Variants in ERC2 observed in about 807,000 individuals in gnomAD.
ERC2 encodes the protein ELKS/RAB6-interacting/CAST family member 2.
ERC2 carries 42 observed loss-of-function variants against 114.8 expected under a neutral mutation model. The observed-to-expected ratio is 0.37, with a 90% CI of 0.29 to 0.47. The LOEUF (loss-of-function observed/expected upper bound fraction) is 0.47. Among genes scored for constraint, ERC2 ranks in the 20% least tolerant of loss-of-function variants. The pLI, the probability that ERC2 is intolerant of heterozygous loss-of-function variation, is 0.99. For synonymous variants in ERC2, 454 were observed against 425.5 expected (o/e 1.07, Z -0.82); for missense variants, 939 against 1,150.7 (o/e 0.82, Z 2.66).
rs548027752 is a variant in ERC2 at position 56,300,021 on chromosome 3, T to A, written c.658-3586A>T. ...TGAATGGACACATTCCTTATTGCCCTGATCCTTTGTCCCCACATCTACGCA... is the reference window on the plus strand; with the variant it reads ...TGAATGGACACATTCCTTATTGCCCAGATCCTTTGTCCCCACATCTACGCA... On this transcript the variant is annotated intron_variant, in intron 2 of 17. Transcript: ENST00000288221. 3.3e-5 allele frequency among the ~76,000 whole-genome samples: 5 copies of A among 152,314 alleles called. 1 individual carries two copies. Among genetic ancestry groups the A allele is most frequent in the African/African-American group, 1.2e-4 (5 of 41,564 alleles).
chr3:55,687,085 C>T (rs2062372759), intron 16 of ERC2, among the ~76,000 whole-genome samples: 1 of 152,176 alleles, frequency 6.6e-6, no homozygotes, highest in Non-Finnish European at 1.5e-5. Context: ...GTCCCAGATG[C>T]TGCGCCCTAA....
chr3:56,025,435 C>A (rs1018617723), intron 7 of ERC2, among the ~76,000 whole-genome samples: 1 of 152,166 alleles, frequency 6.6e-6, no homozygotes, highest in Non-Finnish European at 1.5e-5. Context: ...ATCTGGGGTC[C>A]TCTTTCAAGC....
At position 56,033,013 on chromosome 3, in the gene ERC2, AAGAAAGAAAAAAGAAAC is replaced by A. The variant is rs2074539639; in HGVS notation, c.1642-13999_1642-13983del. Reference sequence around the variant, plus strand: ...AAAGAAAGAAAGAAAGAAAGAAAGAAAGAAAGAAAAAAGAAACAGAAAGAAAGAAAGAAAGAAAGAAA... The same window carrying A: ...AAAGAAAGAAAGAAAGAAAGAAAGAAAGAAAGAAAGAAAGAAAGAAAGAAA... On this transcript the variant is annotated intron_variant, in intron 7 of 17. Transcript: ENST00000288221. Among the ~76,000 whole-genome samples the A allele has an allele frequency of 5.9e-5, 8 of 136,004 alleles. No homozygotes were observed. The East Asian group carries it at 7.3e-4, about 12-fold the overall frequency. The allele number at this position is 136,004 out of a possible 152,430, so 89.2% of individuals were successfully genotyped here. A position where few individuals can be genotyped will look rare whatever the true frequency, so the allele number is the denominator to read the frequency against.
At chr3:55,847,555 T>TTA (rs1447800198) in intron 14 of ERC2, among the ~76,000 whole-genome samples, 2 of 152,106 alleles carry the variant, frequency 1.3e-5, no homozygotes, top group African/African-American at 4.8e-5. Flanking sequence ...AAGCTGTGCA[T>TTA]CATCACCAGC....
At chr3:56,219,154 A>T (rs1252709400) in intron 3 of ERC2, among the ~76,000 whole-genome samples, 4 of 152,142 alleles carry the variant, frequency 2.6e-5, no homozygotes, top group South Asian at 2.1e-4. Flanking sequence ...ATAAAATTGT[A>T]AAAAAAGACT....
intron 14 of ERC2, among the ~76,000 whole-genome samples, chr3:55,859,344 T>A (rs1453139698): frequency 6.6e-6 from 1 of 151,902 alleles, no homozygotes; most frequent in East Asian, 1.9e-4. Flanking sequence ...AACTCTAAAC[T>A]GTTTACTGTT....
At chr3:55,647,976 A>G (rs2060464822) in intron 17 of ERC2, among the ~76,000 whole-genome samples, 1 of 152,198 alleles carries the variant, frequency 6.6e-6, no homozygotes, top group Non-Finnish European at 1.5e-5. Context: ...AGGCAGCTGC[A>G]TGCCCCGCAA....
At chr3:55,676,212 C>A (rs1039215315) in intron 17 of ERC2, among the ~76,000 whole-genome samples, 2 of 151,684 alleles carry the variant, frequency 1.3e-5, no homozygotes, top group Non-Finnish European at 2.9e-5. Context: ...TGTGAGCCAG[C>A]GTGCACAGCC....
chr3:56,101,927 C>T (rs1278812809), intron 6 of ERC2, among the ~76,000 whole-genome samples: 5 of 152,150 alleles, frequency 3.3e-5, no homozygotes, highest in Non-Finnish European at 4.4e-5. Context: ...TTCCCTCATC[C>T]TCTGCAACCG....
At chr3:56,085,573 C>T (rs1307168480) in intron 6 of ERC2, among the ~76,000 whole-genome samples, 1 of 152,158 alleles carries the variant, frequency 6.6e-6, no homozygotes, top group Admixed American at 6.5e-5. Flanking sequence ...AAAGATGATG[C>T]CCTACAGATG....
At chr3:55,820,260 T>C (rs200069834) in intron 14 of ERC2, among the ~76,000 whole-genome samples, 2 of 152,098 alleles carry the variant, frequency 1.3e-5, no homozygotes, top group Non-Finnish European at 2.9e-5. Context: ...TCAGGCAGAC[T>C]CTCTGAGGCA....
chr3:56,060,150 C>T (rs927587820), intron 7 of ERC2, among the ~76,000 whole-genome samples: 3 of 152,158 alleles, frequency 2.0e-5, no homozygotes, highest in Admixed American at 6.5e-5. Context: ...ACACTGGGAA[C>T]GTCTTATGTA....
chr3:55,725,854 G>C (rs2064878296), intron 15 of ERC2, among the ~76,000 whole-genome samples: 1 of 152,150 alleles, frequency 6.6e-6, no homozygotes, highest in Non-Finnish European at 1.5e-5. Flanking sequence ...TTTGTTGCAA[G>C]GGCAAACTGA....
intron 2 of ERC2, among the ~76,000 whole-genome samples, chr3:56,394,309 A>G (rs747033337): frequency 1.3e-5 from 2 of 152,218 alleles, no homozygotes; most frequent in Non-Finnish European, 2.9e-5. Flanking sequence ...AACTCCAAAT[A>G]TTATTAATAT....
At chr3:56,096,142 C>T (rs910000101) in intron 6 of ERC2, among the ~76,000 whole-genome samples, 1 of 152,180 alleles carries the variant, frequency 6.6e-6, no homozygotes, top group Non-Finnish European at 1.5e-5. Context: ...AATCACTGAA[C>T]AGCAGCTGCT....
intron 17 of ERC2, among the ~76,000 whole-genome samples, chr3:55,600,954 G>T (rs2058373071): frequency 6.6e-6 from 1 of 152,226 alleles, no homozygotes; most frequent in African/African-American, 2.4e-5. Context: ...GCAAATCTGG[G>T]CATCATTAAT....
At chr3:55,727,926 G>A (rs1379273100) in intron 15 of ERC2, among the ~76,000 whole-genome samples, 3 of 152,190 alleles carry the variant, frequency 2.0e-5, no homozygotes, top group African/African-American at 4.8e-5. Flanking sequence ...AAGAAAGGGC[G>A]TGGTGCCATT....
chr3:55,523,873 A>G (rs2053130985), intron 17 of ERC2, among the ~76,000 whole-genome samples: 1 of 152,232 alleles, frequency 6.6e-6, no homozygotes, highest in Non-Finnish European at 1.5e-5. Flanking sequence ...CACTACTGAC[A>G]TTTTGGACTA....
intron 13 of ERC2, 56 bp from the exon 14 acceptor site, chr3:55,888,605 T>A (rs2063465121): frequency 6.3e-7 from 1 of 1,596,570 alleles, no homozygotes; most frequent in East Asian, 2.2e-5. Flanking sequence ...GCACAAGACA[T>A]CCCTTGTTAG....
Sources: gnomAD v4.1 joint callset for allele counts (sites outside exome capture counted in the v4.1 genomes callset) on GRCh38, gnomAD v4.1.1 for gene constraint, MANE v1.5 for transcripts, NCBI Gene and HGNC (gene_info 2026-07-23, HGNC 2026-07-21) for gene names.